Variants in SPECC1 observed in about 807,000 individuals in gnomAD.
SPECC1 encodes sperm antigen with calponin homology and coiled-coil domains 1.
Under a neutral mutation model 104.1 loss-of-function variants are expected in SPECC1, and 62 were observed. The ratio of observed to expected loss-of-function variants is 0.60; its 90% CI spans 0.49 to 0.74. The LOEUF (loss-of-function observed/expected upper bound fraction) is 0.74, where lower values mean the gene tolerates loss of function less well. Among genes scored for constraint, SPECC1 ranks in the 30% least tolerant of loss-of-function variants. The pLI, the probability that SPECC1 is intolerant of heterozygous loss-of-function variation, is 0.00. For synonymous variants in SPECC1, 513 were observed against 501.6 expected, an observed-to-expected ratio of 1.02 and a Z score of -0.30; for missense variants, 1,306 against 1,310.5, an observed-to-expected ratio of 1.00 and a Z score of 0.05.
At chr17:20,174,070 T>G (rs1210711044) in intron 3 of SPECC1, among the ~76,000 whole-genome samples, 2 of 152,060 alleles carry the variant, frequency 1.3e-5, no homozygotes, top group Non-Finnish European at 2.9e-5. Flanking sequence ...TAGCTGGGAT[T>G]ACAGGCATGT....
intron 5 of SPECC1, among the ~76,000 whole-genome samples, chr17:20,230,823 G>A (rs551200262): frequency 6.6e-6 from 1 of 152,320 alleles, no homozygotes; most frequent in Admixed American, 6.5e-5. Context: ...TGATGGGAAA[G>A]GAATGGACTG....
chr17:20,089,725 C>T (rs990281855), intron 1 of SPECC1, among the ~76,000 whole-genome samples: 4 of 152,146 alleles, frequency 2.6e-5, no homozygotes, highest in African/African-American at 7.2e-5. Context: ...ATATGTGGAA[C>T]GGATGAGCCC....
intron 3 of SPECC1, among the ~76,000 whole-genome samples, chr17:20,152,976 T>C (rs1567880657): frequency 6.6e-6 from 1 of 152,222 alleles, no homozygotes; most frequent in Non-Finnish European, 1.5e-5. Flanking sequence ...CCTCTTCTTA[T>C]AAGGCCACCT....
At chr17:20,294,346 G>A (rs990443434) in intron 12 of SPECC1, among the ~76,000 whole-genome samples, 2 of 152,310 alleles carry the variant, frequency 1.3e-5, no homozygotes, top group African/African-American at 4.8e-5. Context: ...CACCCATCCC[G>A]ATGGAGGAGC....
intron 3 of SPECC1, chr17:20,156,100 G>T: frequency 7.4e-7 from 1 of 1,355,986 alleles, no homozygotes; most frequent in Non-Finnish European, 9.5e-7. Flanking sequence ...GGACCCGCCG[G>T]ACGCAACCGC....
chr17:20,075,659 G>A (rs1415092267), intron 1 of SPECC1, among the ~76,000 whole-genome samples: 1 of 152,040 alleles, frequency 6.6e-6, no homozygotes, highest in Non-Finnish European at 1.5e-5. Context: ...AAAAAATTTA[G>A]CCAGGTCTGG....
At chr17:20,050,832 TA>T (rs2045712226) in intron 1 of SPECC1, among the ~76,000 whole-genome samples, 2 of 152,340 alleles carry the variant, frequency 1.3e-5, no homozygotes, top group African/African-American at 4.8e-5. Flanking sequence ...TTTGGTTAAA[TA>T]AACTGGCTGT....
intron 14 of SPECC1, among the ~76,000 whole-genome samples, chr17:20,310,466 A>G (rs1374957390): frequency 2.6e-5 from 4 of 152,202 alleles, no homozygotes; most frequent in African/African-American, 4.8e-5. Flanking sequence ...ATGAAGCTCT[A>G]TAGTGTTCCC....
intron 3 of SPECC1, among the ~76,000 whole-genome samples, chr17:20,173,853 C>G (rs866504476): frequency 2.0e-5 from 3 of 152,050 alleles, no homozygotes; most frequent in African/African-American, 7.2e-5. Flanking sequence ...TTTCTGCCAG[C>G]CCCTTTGTTC....
chr17:20,308,780 C>T (rs2041848198), intron 14 of SPECC1, among the ~76,000 whole-genome samples: 1 of 152,126 alleles, frequency 6.6e-6, no homozygotes, highest in African/African-American at 2.4e-5. Flanking sequence ...CACATCTGAC[C>T]AGGGTGGAGT....
rs371289652 is a variant in SPECC1, at chr17:20,066,911, A to ATTTTT, written c.-21-29704_-21-29700dup. On this transcript the variant is annotated intron_variant, in intron 1 of 14. Coordinates refer to ENST00000395527, the MANE Select transcript of SPECC1 (RefSeq NM_001243439.2). ...CATACCACCACACCTGGCTAATCAA[A>ATTTTT]TTTTTTTTTTTTTTTTTTTTGGTAG... Among the ~76,000 whole-genome samples, 9 of 120,104 alleles carry ATTTTT rather than the reference A, an allele frequency of 7.5e-5. 1 individual carries two copies. The highest frequency in any genetic ancestry group is 8.7e-5 in the Admixed American group (1 of 11,492). 78.8% of individuals were successfully genotyped at this position (120,104 alleles called of 152,430 possible).
At chr17:20,160,886 A>C (rs761295690) in intron 3 of SPECC1, among the ~76,000 whole-genome samples, 1 of 152,218 alleles carries the variant, frequency 6.6e-6, no homozygotes, top group African/African-American at 2.4e-5. Context: ...CGTTTCTGCA[A>C]GTCATACTTA....
chr17:20,046,702 G>C (rs2045552559), intron 1 of SPECC1, among the ~76,000 whole-genome samples: 1 of 152,170 alleles, frequency 6.6e-6, no homozygotes, highest in African/African-American at 2.4e-5. Context: ...GCTGACATTT[G>C]AGCAATGACC....
At chr17:20,287,327 GA>G (rs970243036) in intron 12 of SPECC1, among the ~76,000 whole-genome samples, 17 of 149,834 alleles carry the variant, frequency 1.1e-4, no homozygotes, top group Non-Finnish European at 2.2e-4. Context: ...TGAGGCAGGA[GA>G]ATGGCGTGAA....
At chr17:20,211,245 T>G (rs1286681503) in intron 4 of SPECC1, among the ~76,000 whole-genome samples, 1 of 152,222 alleles carries the variant, frequency 6.6e-6, no homozygotes, top group African/African-American at 2.4e-5. Flanking sequence ...TCAGTCATCT[T>G]CAGCTCACAC....
intron 2 of SPECC1, among the ~76,000 whole-genome samples, chr17:20,097,731 G>A (rs549621133): frequency 2.6e-5 from 4 of 152,274 alleles, no homozygotes; most frequent in South Asian, 4.1e-4. Context: ...GCTAGGCAAG[G>A]GGCACATTGT....
At chr17:20,058,529 C>T (rs185733881) in intron 1 of SPECC1, among the ~76,000 whole-genome samples, 10 of 151,994 alleles carry the variant, frequency 6.6e-5, no homozygotes, top group Non-Finnish European at 1.0e-4. Flanking sequence ...CATGGTGGTG[C>T]GTGCCTGTAG....
intron 4 of SPECC1, among the ~76,000 whole-genome samples, chr17:20,215,902 G>A (rs1253034089): frequency 6.6e-6 from 1 of 152,014 alleles, no homozygotes; most frequent in Admixed American, 6.6e-5. Context: ...TTCTGCTTTT[G>A]TTCATCACAC....
chr17:20,024,924 C>CAAGCA (rs1455535437), intron 1 of SPECC1, among the ~76,000 whole-genome samples: 1 of 152,218 alleles, frequency 6.6e-6, no homozygotes, highest in Non-Finnish European at 1.5e-5. Context: ...TGCTATTGAA[C>CAAGCA]TGCTTCTCTT....
Sources: allele counts gnomAD v4.1 joint callset (sites outside exome capture counted in the v4.1 genomes callset), GRCh38; gene constraint gnomAD v4.1.1; transcripts MANE v1.5; gene names NCBI Gene and HGNC (gene_info 2026-07-23, HGNC 2026-07-21).